RASAL2: variants seen among roughly 807,000 people sequenced by gnomAD.
RASAL2 encodes the protein RAS protein activator like 2, also known as ras GTPase-activating protein nGAP.
In RASAL2, 58 loss-of-function variants were observed where a neutral mutation model predicts 128.9. The ratio of observed to expected loss-of-function variants is 0.45; its 90% CI spans 0.36 to 0.56. The LOEUF (loss-of-function observed/expected upper bound fraction) is 0.56. Among genes scored for constraint, RASAL2 ranks in the 20% least tolerant of loss-of-function variants. RASAL2 has a pLI of 0.00. For synonymous variants in RASAL2, 561 were observed against 580.8 expected, an observed-to-expected ratio of 0.97 and a Z score of 0.49; for missense variants, 1,360 against 1,601.6, an observed-to-expected ratio of 0.85 and a Z score of 2.57.
At chr1:178,108,171 T>C (rs2102237652) in intron 1 of RASAL2, among the ~76,000 whole-genome samples, 1 of 152,338 alleles carries the variant, frequency 6.6e-6, no homozygotes, top group Admixed American at 6.5e-5. Context: ...TATCCCATTG[T>C]GGTTTTTATT....
At chr1:178,249,909 A>C (rs749053684) in intron 1 of RASAL2, among the ~76,000 whole-genome samples, 5 of 152,092 alleles carry the variant, frequency 3.3e-5, no homozygotes, top group Non-Finnish European at 7.4e-5. Context: ...GAACAGCAAA[A>C]TTGCTACCTG....
chr1:178,374,575 C>A (rs1487889256), intron 3 of RASAL2, among the ~76,000 whole-genome samples: 1 of 152,112 alleles, frequency 6.6e-6, no homozygotes, highest in East Asian at 1.9e-4. Flanking sequence ...AAACTTCATA[C>A]AACTGTGCAC....
At position 178,130,846 on chromosome 1, in the gene RASAL2, A is replaced by G. The variant is rs545210797; in HGVS notation, c.202+36152A>G. ...AAGGCGGGCGGATCACGAGGTCAGG[A>G]GATCGAGACCATCCTGGCTAACACA... On this transcript the variant is annotated intron_variant, in intron 1 of 17. Transcript: ENST00000367649. Among the ~76,000 whole-genome samples, 833 of 152,248 alleles carry G rather than the reference A, an allele frequency of 5.5e-3. 9 individuals carry two copies. The highest frequency in any genetic ancestry group is 0.019 in the African/African-American group (780 of 41,530).
At chr1:178,465,824 GA>G in intron 15 of RASAL2, 95 bp from the exon 16 acceptor site, 10 of 1,150,868 alleles carry the variant, frequency 8.7e-6, no homozygotes, top group Non-Finnish European at 1.2e-5. Context: ...AAAAGAAAAA[GA>G]AAAAAAGAAA....
chr1:178,442,632 T>C (rs1557992761), intron 7 of RASAL2, 43 bp from the exon 8 acceptor site: 3 of 1,515,712 alleles, frequency 2.0e-6, no homozygotes, highest in East Asian at 2.3e-5. Flanking sequence ...TTTTTTTTTC[T>C]GCAATGTCAG....
intron 8 of RASAL2, among the ~76,000 whole-genome samples, chr1:178,444,211 T>A (rs568753826): frequency 6.6e-6 from 1 of 152,274 alleles, no homozygotes; most frequent in Non-Finnish European, 1.5e-5. Flanking sequence ...AAGACTTTTT[T>A]AAATGACTTA....
intron 4 of RASAL2, among the ~76,000 whole-genome samples, chr1:178,398,216 A>G (rs1037635102): frequency 1.3e-5 from 2 of 152,134 alleles, no homozygotes; most frequent in Non-Finnish European, 2.9e-5. Context: ...AGTACTAACT[A>G]CTTTTACTCA....
rs768705977 is a variant in RASAL2, at chr1:178,456,828, T to C, written c.2319T>C (p.His773=). The change falls in exon 13 of 18, where the codon CAT becomes CAC. Residue 773 remains histidine, a synonymous_variant. Transcript: ENST00000367649. ...AGCAACTGAGACGCTTCACTGAACA[T>C]AACTCCAGTCCAAATGTCAGTGGAA... ...IQQQLRRFTE[H]NSSPNVSGSL... is the part of the protein sequence containing the mutation. 3.1e-6 allele frequency: 5 copies of C among 1,614,182 alleles called. No homozygotes were observed. In the South Asian group the frequency reaches 5.5e-5, roughly 18 times the overall value.
At chr1:178,384,826 CTTG>C (rs1672469306) in intron 3 of RASAL2, among the ~76,000 whole-genome samples, 1 of 151,824 alleles carries the variant, frequency 6.6e-6, no homozygotes, top group Non-Finnish European at 1.5e-5. Flanking sequence ...ATTATCTTTA[CTTG>C]TTTTTTACGC....
chr1:178,195,801 T>C (rs1301580521), intron 1 of RASAL2, among the ~76,000 whole-genome samples: 1 of 152,118 alleles, frequency 6.6e-6, no homozygotes. Flanking sequence ...AAAAATAAGC[T>C]AATTATGATG....
At chr1:178,227,875 T>C (rs1663852828) in intron 1 of RASAL2, among the ~76,000 whole-genome samples, 1 of 152,226 alleles carries the variant, frequency 6.6e-6, no homozygotes. Context: ...GAATTCTTAA[T>C]GAATGTAGTA....
chr1:178,311,848 G>GA (rs1210298333), intron 3 of RASAL2, among the ~76,000 whole-genome samples: 1 of 151,588 alleles, frequency 6.6e-6, no homozygotes. Context: ...AAAAGAAAAA[G>GA]AAAAAAGGGA....
chr1:178,447,028 A>T (rs995770831), intron 9 of RASAL2, among the ~76,000 whole-genome samples: 4 of 152,234 alleles, frequency 2.6e-5, no homozygotes, highest in African/African-American at 9.7e-5. Context: ...CAACAAAAAG[A>T]TTAAACAATA....
chr1:178,362,343 A>G (rs766765239), intron 3 of RASAL2, among the ~76,000 whole-genome samples: 7 of 152,162 alleles, frequency 4.6e-5, no homozygotes, highest in Non-Finnish European at 8.8e-5. Flanking sequence ...ATTACTGTGT[A>G]TGACTTAAGG....
At chr1:178,109,095 A>G (rs576801391) in intron 1 of RASAL2, among the ~76,000 whole-genome samples, 2 of 152,324 alleles carry the variant, frequency 1.3e-5, no homozygotes, top group South Asian at 4.1e-4. Flanking sequence ...AGTTGTATTC[A>G]TCTGGGACAT....
At chr1:178,364,108 A>G (rs1482812728) in intron 3 of RASAL2, among the ~76,000 whole-genome samples, 5 of 151,900 alleles carry the variant, frequency 3.3e-5, no homozygotes, top group Non-Finnish European at 1.5e-5. Flanking sequence ...AAAAAAAAAA[A>G]AAGAAGAAAC....
At chr1:178,318,937 G>C (rs1253633047) in intron 3 of RASAL2, among the ~76,000 whole-genome samples, 1 of 152,038 alleles carries the variant, frequency 6.6e-6, no homozygotes, top group Non-Finnish European at 1.5e-5. Flanking sequence ...GGTACCGGTT[G>C]TTCCTTTCCA....
intron 1 of RASAL2, among the ~76,000 whole-genome samples, chr1:178,248,585 A>G (rs929617347): frequency 6.6e-6 from 1 of 152,188 alleles, no homozygotes; most frequent in Non-Finnish European, 1.5e-5. Flanking sequence ...TGATCCTGTC[A>G]TCATGATGCT....
chr1:178,458,588 C>T, intron 14 of RASAL2, 44 bp downstream of exon 14: 1 of 1,529,776 alleles, frequency 6.5e-7, no homozygotes, highest in Non-Finnish European at 8.8e-7. Context: ...CTTGGTCCAT[C>T]TGTTTCCTTG....
Sources: allele counts gnomAD v4.1 joint callset (sites outside exome capture counted in the v4.1 genomes callset), GRCh38; gene constraint gnomAD v4.1.1; transcripts MANE v1.5; gene names NCBI Gene and HGNC (gene_info 2026-07-23, HGNC 2026-07-21).